Variants in PNLIPRP3 observed in about 807,000 individuals in gnomAD.
PNLIPRP3 encodes pancreatic lipase related protein 3, also known as pancreatic lipase-related protein 3.
Under a neutral mutation model 52.8 loss-of-function variants are expected in PNLIPRP3, and 58 were observed. That is an observed-to-expected ratio of 1.10 (90% CI 0.89 to 1.37). PNLIPRP3 has a LOEUF of 1.37. Among genes scored for constraint, PNLIPRP3 ranks in the 40% most tolerant of loss-of-function variants. The pLI, the probability that PNLIPRP3 is intolerant of heterozygous loss-of-function variation, is 0.00. For missense variants in PNLIPRP3, 593 were observed against 561.6 expected, an observed-to-expected ratio of 1.06 and a Z score of -0.57; for synonymous variants, 192 against 185.0, an observed-to-expected ratio of 1.04 and a Z score of -0.31.
At chr10:116,472,122 A>G (rs2133158820) in intron 10 of PNLIPRP3, among the ~76,000 whole-genome samples, 1 of 152,362 alleles carries the variant, frequency 6.6e-6, no homozygotes, top group East Asian at 1.9e-4. Flanking sequence ...GAAAATACAG[A>G]TCTAGATAAT....
chr10:116,477,240 C>T lies in PNLIPRP3; in HGVS notation c.*87C>T, dbSNP rs1021755545. On this transcript the variant is annotated 3_prime_UTR_variant, in exon 12 of 12. Coordinates refer to ENST00000369230, the MANE Select transcript of PNLIPRP3 (RefSeq NM_001011709.3). ...ACCTGGCATCCAGACCAAATTTGAC[C>T]CTTGTAAATGACTTAGTCATTTACA... is the stretch of plus-strand genomic sequence containing the variant. The T allele has an allele frequency of 1.8e-6, 2 of 1,104,690 alleles. No individual in the cohort carries two copies. Among genetic ancestry groups the T allele is most frequent in the African/African-American group, 1.6e-5 (1 of 62,788 alleles). 68.4% of individuals were successfully genotyped at this position (1,104,690 alleles called of 1,614,324 possible).
chr10:116,477,004 A>T, intron 11 of PNLIPRP3, 86 bp from the exon 12 acceptor site: 2 of 1,248,106 alleles, frequency 1.6e-6, no homozygotes, highest in Non-Finnish European at 2.2e-6. Flanking sequence ...AATAAGAATT[A>T]CTCATTAAAT....
At chr10:116,474,430 A>G (rs1258489946) in intron 10 of PNLIPRP3, among the ~76,000 whole-genome samples, 1 of 152,254 alleles carries the variant, frequency 6.6e-6, no homozygotes, top group Non-Finnish European at 1.5e-5. Context: ...AATTGCAACG[A>G]AAGCAAAAAT....
chr10:116,444,593 C>T, intron 4 of PNLIPRP3, 80 bp downstream of exon 4: 1 of 1,381,548 alleles, frequency 7.2e-7, no homozygotes, highest in Middle Eastern at 2.0e-4. Context: ...AATTTAATGT[C>T]TTTTTTTATT....
rs995612136 is a variant in PNLIPRP3, at chr10:116,458,428, C to T, written c.566-2538C>T. ...AACAACAAATTCAATGTTCCCTCTT[C>T]CTTACGTCTTGGAAAGACTGTCTTT... On this transcript the variant is annotated intron_variant, in intron 5 of 11. Coordinates refer to ENST00000369230, the MANE Select transcript of PNLIPRP3 (RefSeq NM_001011709.3). Among the ~76,000 whole-genome samples the T allele has an allele frequency of 2.0e-5, 3 of 148,162 alleles. No homozygotes were observed. The East Asian group carries it at 6.1e-4, about 30-fold the overall frequency.
At chr10:116,434,603 G>T (rs920752914) in intron 1 of PNLIPRP3, among the ~76,000 whole-genome samples, 2 of 152,122 alleles carry the variant, frequency 1.3e-5, no homozygotes, top group Non-Finnish European at 2.9e-5. Flanking sequence ...AAAGAGCACA[G>T]TGGTAGATAA....
chr10:116,432,834 G>T, intron 1 of PNLIPRP3, among the ~76,000 whole-genome samples: 1 of 151,776 alleles, frequency 6.6e-6, no homozygotes, highest in Middle Eastern at 3.2e-3. Context: ...TCTTGGAGTG[G>T]CCAGGCACGG....
chr10:116,429,855 T>C (rs557654130), intron 1 of PNLIPRP3, among the ~76,000 whole-genome samples: 77 of 152,030 alleles, frequency 5.1e-4, no homozygotes, highest in Non-Finnish European at 4.4e-4. Context: ...ACTTCCTCAT[T>C]AAGAAATCAG....
rs1554854417 is a variant in PNLIPRP3 at position 116,470,514 on chromosome 10, A to AAT, written c.1060+1197_1060+1198insAT. Among the ~76,000 whole-genome samples the AAT allele has an allele frequency of 1.1e-3, 161 of 142,462 alleles. 2 individuals are homozygous for AAT. Among genetic ancestry groups the AAT allele is most frequent in the East Asian group, 3.5e-3 (17 of 4,846 alleles). 93.5% of individuals were successfully genotyped at this position (142,462 alleles called of 152,430 possible). Reference sequence around the variant, plus strand: ...CACAGCAAATATATATATATATATAATTTTTTTTTTTTTGAGATGGAGTCT... The same window carrying AAT: ...CACAGCAAATATATATATATATATAAATTTTTTTTTTTTTTGAGATGGAGTCT... On this transcript the variant is annotated intron_variant, in intron 9 of 11. Coordinates refer to ENST00000369230, the MANE Select transcript of PNLIPRP3 (RefSeq NM_001011709.3).
intron 1 of PNLIPRP3, among the ~76,000 whole-genome samples, chr10:116,435,011 A>T (rs1208729344): frequency 6.6e-6 from 1 of 152,242 alleles, no homozygotes; most frequent in Non-Finnish European, 1.5e-5. Flanking sequence ...ATCCTGAGTA[A>T]TTCAAATATT....
intron 5 of PNLIPRP3, among the ~76,000 whole-genome samples, chr10:116,459,443 C>T (rs1247288553): frequency 6.6e-6 from 1 of 152,132 alleles, no homozygotes; most frequent in Non-Finnish European, 1.5e-5. Flanking sequence ...CTCTATATCA[C>T]AGCAAAGGGA....
At chr10:116,442,229 G>T (rs1845869140) in intron 2 of PNLIPRP3, among the ~76,000 whole-genome samples, 1 of 152,016 alleles carries the variant, frequency 6.6e-6, no homozygotes, top group African/African-American at 2.4e-5. Flanking sequence ...TGAGAGTTTT[G>T]TTATTAAGGC....
intron 1 of PNLIPRP3, among the ~76,000 whole-genome samples, chr10:116,434,804 G>A (rs1446541389): frequency 6.6e-6 from 1 of 152,104 alleles, no homozygotes; most frequent in Non-Finnish European, 1.5e-5. Context: ...TGAAGTCACT[G>A]GTTCAAATTA....
At chr10:116,443,801 GCATA>G (rs1440011047) in intron 3 of PNLIPRP3, among the ~76,000 whole-genome samples, 659 of 11,134 alleles carry the variant, frequency 0.059, 8 homozygotes, top group Middle Eastern at 0.12. Flanking sequence ...ATGTGTGTGT[GCATA>G]TATATATATA....
chr10:116,432,567 A>C (rs1845721191), intron 1 of PNLIPRP3, among the ~76,000 whole-genome samples: 1 of 152,212 alleles, frequency 6.6e-6, no homozygotes, highest in Admixed American at 6.5e-5. Flanking sequence ...GGAAAGATAG[A>C]ATTCATAAAC....
chr10:116,458,014 G>T (rs1285630948), intron 5 of PNLIPRP3, among the ~76,000 whole-genome samples: 1 of 152,208 alleles, frequency 6.6e-6, no homozygotes, highest in African/African-American at 2.4e-5. Context: ...CTCACAAACA[G>T]ATTTTAGCTG....
In PNLIPRP3 at chr10:116,466,128, T is replaced by G. The variant is rs2133150784; in HGVS notation, c.887T>G (p.Phe296Cys). ...YAESILNPDA[F>C]IAYPCRSYTS... ...GAAAGCATTCTTAATCCTGATGCAT[T>G]TATTGCTTATCCTTGTAGATCCTAC... Residue 296 changes from phenylalanine (F) to cysteine (C), a missense_variant, in exon 8 of 12, where the codon TTT becomes TGT. Coordinates refer to ENST00000369230, the MANE Select transcript of PNLIPRP3 (RefSeq NM_001011709.3). 2 of 1,612,976 alleles carry G rather than the reference T, an allele frequency of 1.2e-6. No homozygotes were observed. Among genetic ancestry groups the G allele is most frequent in the East Asian group, 2.2e-5 (1 of 44,858 alleles).
chr10:116,474,923 C>T (rs1846434544), intron 10 of PNLIPRP3, among the ~76,000 whole-genome samples: 1 of 152,140 alleles, frequency 6.6e-6, no homozygotes, highest in Admixed American at 6.5e-5. Context: ...ACCCAGCAAT[C>T]GCATTACTGA....
At chr10:116,449,333 C>T (rs1281898240) in intron 4 of PNLIPRP3, among the ~76,000 whole-genome samples, 1 of 152,190 alleles carries the variant, frequency 6.6e-6, no homozygotes, top group Non-Finnish European at 1.5e-5. Flanking sequence ...TAACTACATG[C>T]TGTCTACAAG....
Sources: allele counts gnomAD v4.1 joint callset (sites outside exome capture counted in the v4.1 genomes callset), GRCh38; gene constraint gnomAD v4.1.1; transcripts MANE v1.5; gene names NCBI Gene and HGNC (gene_info 2026-07-23, HGNC 2026-07-21).